Variants in LINGO1 observed in about 807,000 individuals in gnomAD.
The protein encoded by LINGO1 is leucine-rich repeat and immunoglobulin-like domain-containing nogo receptor-interacting protein 1.
In LINGO1, 11 loss-of-function variants were observed where a neutral mutation model predicts 37.3. The ratio of observed to expected loss-of-function variants is 0.29; its 90% CI spans 0.19 to 0.49. LINGO1 has a LOEUF of 0.49. Ranked by LOEUF, LINGO1 falls within the 20% of genes least tolerant of loss-of-function variation. LINGO1 has a pLI of 0.99. For synonymous variants in LINGO1, 387 were observed against 403.0 expected (o/e 0.96, Z 0.48); for missense variants, 585 against 878.2 (o/e 0.67, Z 4.22).
At chr15:77,752,560 G>T (rs2076382465) in intron 1 of LINGO1, among the ~76,000 whole-genome samples, 1 of 152,176 alleles carries the variant, frequency 6.6e-6, no homozygotes, top group Non-Finnish European at 1.5e-5. Flanking sequence ...TGTGTTGGAT[G>T]GGAAAGATTA....
At chr15:77,621,876 A>C (rs2073932920) in intron 1 of LINGO1, among the ~76,000 whole-genome samples, 1 of 152,140 alleles carries the variant, frequency 6.6e-6, no homozygotes, top group Non-Finnish European at 1.5e-5. Context: ...CGGTGCTCCC[A>C]CTCAGCGTTC....
In LINGO1 at chr15:77,615,571, G is replaced by T; in HGVS notation, c.336C>A (p.Pro112=). The T allele has an allele frequency of 6.2e-7, 1 of 1,611,594 alleles. No homozygotes were observed. Among genetic ancestry groups the T allele is most frequent in the East Asian group, 2.2e-5 (1 of 44,780 alleles). The change falls in exon 2 of 2, where the codon CCC becomes CCA. Residue 112 remains proline, a synonymous_variant. Transcript: ENST00000355300. ...GGTTGAAGAGGTTGTTGAAGGCGCC[G>T]GGCTCCACGGCGCTCACGATGTTCT... ...LNENIVSAVE[P]GAFNNLFNLR...
At chr15:77,624,497 G>A (rs977284132) in intron 1 of LINGO1, among the ~76,000 whole-genome samples, 3 of 152,198 alleles carry the variant, frequency 2.0e-5, no homozygotes, top group African/African-American at 7.2e-5. Context: ...CATCTCGAGA[G>A]CTGCCAGCCT....
chr15:77,792,296 C>T (rs778169534), intron 2 of LINGO1, among the ~76,000 whole-genome samples: 3 of 152,264 alleles, frequency 2.0e-5, no homozygotes, highest in Non-Finnish European at 4.4e-5. Flanking sequence ...CTCCTCCCAC[C>T]CAGGCCCGGC....
intron 1 of LINGO1, among the ~76,000 whole-genome samples, chr15:77,818,908 G>A (rs998986241): frequency 6.6e-6 from 1 of 150,692 alleles, no homozygotes; most frequent in African/African-American, 2.4e-5. Context: ...CACTCCCCTC[G>A]CGTTCTCTTC....
chr15:77,695,401 G>A (rs1438564435), intron 1 of LINGO1, among the ~76,000 whole-genome samples: 1 of 152,108 alleles, frequency 6.6e-6, no homozygotes, highest in Non-Finnish European at 1.5e-5. Context: ...CCCTGCAGGG[G>A]CCAGAAGAAG....
At chr15:77,682,282 G>C (rs1379380645) in intron 2 of LINGO1, among the ~76,000 whole-genome samples, 1 of 148,658 alleles carries the variant, frequency 6.7e-6, no homozygotes, top group Non-Finnish European at 1.5e-5. Flanking sequence ...ATTAAAGTGT[G>C]TGTGTGTGTG....
chr15:77,727,726 GT>G (rs34255197), intron 2 of LINGO1, among the ~76,000 whole-genome samples: 54,864 of 147,204 alleles, frequency 0.37, 10,924 homozygotes, highest in Admixed American at 0.52. Context: ...CATTTTATAT[GT>G]TTTTTTTTTA....
At position 77,628,175 on chromosome 15, in the gene LINGO1, C is replaced by A. The variant is rs1011873723; in HGVS notation, c.6+4135G>T. Among the ~76,000 whole-genome samples, 10 of 152,284 alleles carry A rather than the reference C, an allele frequency of 6.6e-5. No homozygotes were observed. The East Asian group carries it at 1.5e-3, about 24-fold the overall frequency. Reference sequence around the variant, plus strand: ...GCAAATATCCTAGTAAGAGTGAATGCGAACATGCCCTACAGGCCAGCAATT... The same window carrying A: ...GCAAATATCCTAGTAAGAGTGAATGAGAACATGCCCTACAGGCCAGCAATT... On this transcript the variant is annotated intron_variant, in intron 1 of 1. Coordinates refer to ENST00000355300, the MANE Select transcript of LINGO1 (RefSeq NM_032808.7).
At chr15:77,702,464 C>G (rs960810527) in intron 2 of LINGO1, among the ~76,000 whole-genome samples, 1 of 152,142 alleles carries the variant, frequency 6.6e-6, no homozygotes, top group Admixed American at 6.5e-5. Context: ...GGGGAGGAGG[C>G]TTTGCCTCCT....
intron 1 of LINGO1, among the ~76,000 whole-genome samples, chr15:77,801,180 A>G (rs1315897078): frequency 6.6e-6 from 1 of 152,230 alleles, no homozygotes; most frequent in South Asian, 2.1e-4. Context: ...CCCATGAAAT[A>G]ATAGCACAAG....
chr15:77,764,119 G>A (rs2076504123), intron 1 of LINGO1, among the ~76,000 whole-genome samples: 1 of 152,204 alleles, frequency 6.6e-6, no homozygotes, highest in Admixed American at 6.5e-5. Flanking sequence ...TGCACTGTAT[G>A]CATTTTAGTT....
rs111278052 is a variant in LINGO1 at position 77,650,290 on chromosome 15, AG to A, written c.-13+26798del. ...GACTATGCCATGGAGGTTTGGAGTG[AG>A]GGGGAAGAGAAGGAATAATCTTAAA... On this transcript the variant is annotated intron_variant, in intron 3 of 3. Transcript: ENST00000559893. Among the ~76,000 whole-genome samples, 728 of 152,266 alleles carry A rather than the reference AG, an allele frequency of 4.8e-3. 6 individuals are homozygous for A. Among genetic ancestry groups the A allele is most frequent in the African/African-American group, 0.017 (686 of 41,538 alleles).
intron 3 of LINGO1, among the ~76,000 whole-genome samples, chr15:77,662,212 G>A (rs529609915): frequency 6.6e-6 from 1 of 152,144 alleles, no homozygotes; most frequent in Admixed American, 6.5e-5. Context: ...CAGTCAGGTA[G>A]GGTTAGCAGA....
In LINGO1 at chr15:77,615,852, G is replaced by A. The variant is rs1346131570; in HGVS notation, c.55C>T (p.Leu19Phe). Residue 19 changes from leucine (L) to phenylalanine (F), a missense_variant, in exon 2 of 2, where the codon CTC (leucine) becomes TTC (phenylalanine). Around this residue, in one of 4 missense-constraint regions of LINGO1, gnomAD observed 65 missense variants for 57.0 expected, o/e 1.14. Transcript: ENST00000355300. ...AGGVRSMPSP[L>F]LACWQPILLL... ...AGGATGGGCTGCCAGCAGGCCAGGA[G>A]GGGGCTGGGCATGCTCCTCACGCCC... 4 of 1,498,630 alleles carry A rather than the reference G, an allele frequency of 2.7e-6. No homozygotes were observed. The highest frequency in any genetic ancestry group is 3.5e-6 in the Non-Finnish European group (4 of 1,131,318). 92.8% of individuals were successfully genotyped at this position (1,498,630 alleles called of 1,614,324 possible). A position where few individuals can be genotyped will look rare whatever the true frequency, so the allele number is the denominator to read the frequency against.
intron 1 of LINGO1, among the ~76,000 whole-genome samples, chr15:77,814,137 G>A (rs1037254106): frequency 6.6e-6 from 1 of 152,166 alleles, no homozygotes; most frequent in African/African-American, 2.4e-5. Flanking sequence ...ACCTATAATG[G>A]AAACAGGGCC....
At chr15:77,738,115 C>G (rs1227666694) in intron 1 of LINGO1, among the ~76,000 whole-genome samples, 3 of 152,176 alleles carry the variant, frequency 2.0e-5, no homozygotes, top group Non-Finnish European at 4.4e-5. Flanking sequence ...TCAGCAAACC[C>G]TATCAGGTCT....
At chr15:77,646,528 G>A (rs1442659008) in intron 3 of LINGO1, 3 of 441,642 alleles carry the variant, frequency 6.8e-6, no homozygotes, top group East Asian at 1.4e-4. Context: ...CTGTAAGCAG[G>A]TGTGGCACAC....
At chr15:77,622,330 G>A (rs2073948380) in intron 1 of LINGO1, among the ~76,000 whole-genome samples, 1 of 152,080 alleles carries the variant, frequency 6.6e-6, no homozygotes, top group Non-Finnish European at 1.5e-5. Flanking sequence ...CACAGGCTGG[G>A]GGCAGGGAAG....
Sources: gnomAD v4.1 joint callset for allele counts (sites outside exome capture counted in the v4.1 genomes callset) on GRCh38, gnomAD v4.1.1 for gene constraint, gnomAD v4.1.1 regional missense constraint, MANE v1.5 for transcripts, NCBI Gene and HGNC (gene_info 2026-07-23, HGNC 2026-07-21) for gene names.